The following SIK2 variants were observed in gnomAD, a reference collection of about 807,000 sequenced individuals.
SIK2 encodes serine/threonine-protein kinase SIK2.
SIK2 carries 29 observed loss-of-function variants against 103.2 expected under a neutral mutation model. The ratio of observed to expected loss-of-function variants is 0.28; its 90% CI spans 0.21 to 0.38. The LOEUF is 0.38. Among genes scored for constraint, SIK2 ranks in the 10% least tolerant of loss-of-function variants. SIK2 has a pLI of 1.00. For missense variants in SIK2, 879 were observed against 1,171.0 expected (o/e 0.75, Z 3.64); for synonymous variants, 412 against 446.1 (o/e 0.92, Z 0.96).
chr11:111,632,677 C>T (rs775824267), intron 3 of SIK2, among the ~76,000 whole-genome samples: 1 of 152,126 alleles, frequency 6.6e-6, no homozygotes, highest in Non-Finnish European at 1.5e-5. Flanking sequence ...CATGTACTAA[C>T]TGATTATATG....
At chr11:111,605,151 C>CG (rs1407013566) in intron 1 of SIK2, among the ~76,000 whole-genome samples, 2 of 151,924 alleles carry the variant, frequency 1.3e-5, no homozygotes, top group African/African-American at 4.8e-5. Context: ...TTAGTAGAGA[C>CG]GGGGTTTCAC....
At chr11:111,636,853 G>A (rs2135852861) in intron 3 of SIK2, among the ~76,000 whole-genome samples, 1 of 152,268 alleles carries the variant, frequency 6.6e-6, no homozygotes, top group Non-Finnish European at 1.5e-5. Flanking sequence ...AAAACTTAAA[G>A]CGATTCAATT....
rs1049333269 is a variant in SIK2, at chr11:111,729,525, T to C, written c.*5396T>C. 6.6e-6 allele frequency: 1 copy of C among 152,254 alleles called. No homozygotes were observed. The highest frequency in any genetic ancestry group is 1.5e-5 in the Non-Finnish European group (1 of 68,048). The allele number at this position is 152,254 out of a possible 1,614,324, so 9.4% of individuals were successfully genotyped here. On this transcript the variant is annotated 3_prime_UTR_variant, in exon 15 of 15. Coordinates refer to ENST00000304987, the MANE Select transcript of SIK2 (RefSeq NM_015191.3). ...TTTGTGACTTCTCTGAGATCACAGC[T>C]GGTGATAGAAGGAGCTGGGACACGC...
At chr11:111,719,628 T>C in intron 9 of SIK2, 147 bp from the exon 10 acceptor site, 1 of 810,628 alleles carries the variant, frequency 1.2e-6, no homozygotes. Context: ...ACTTCTAATC[T>C]ATGTGTTGTC....
chr11:111,654,974 A>G (rs1336021693), intron 3 of SIK2, among the ~76,000 whole-genome samples: 1 of 152,262 alleles, frequency 6.6e-6, no homozygotes, highest in East Asian at 1.9e-4. Flanking sequence ...CTGATTTCAG[A>G]ATACATTACA....
chr11:111,661,186 T>G (rs1942462847), intron 3 of SIK2, among the ~76,000 whole-genome samples: 2 of 152,176 alleles, frequency 1.3e-5, no homozygotes, highest in South Asian at 4.1e-4. Flanking sequence ...ATAAGACTAT[T>G]TATGCATCAC....
At position 111,728,923 on chromosome 11, in the gene SIK2, CA is replaced by C. The variant is rs753877747; in HGVS notation, c.*4809del. The C allele has an allele frequency of 0.079, 7,150 of 91,002 alleles. 412 individuals are homozygous for C. Among genetic ancestry groups the C allele is most frequent in the African/African-American group, 0.23 (5,744 of 25,410 alleles). 5.6% of individuals were successfully genotyped at this position (91,002 alleles called of 1,614,324 possible). A position where few individuals can be genotyped will look rare whatever the true frequency, so the allele number is the denominator to read the frequency against. Reference sequence around the variant, plus strand: ...TGGGCGACAGAGCAAGACTCCACCTCAAAAAAAAAAAAAAAGACAAGAGCAG... The same window carrying C: ...TGGGCGACAGAGCAAGACTCCACCTCAAAAAAAAAAAAAAGACAAGAGCAG... On this transcript the variant is annotated 3_prime_UTR_variant, in exon 15 of 15. Coordinates refer to ENST00000304987, the MANE Select transcript of SIK2 (RefSeq NM_015191.3).
At chr11:111,656,464 T>G (rs935669271) in intron 3 of SIK2, among the ~76,000 whole-genome samples, 7 of 152,144 alleles carry the variant, frequency 4.6e-5, no homozygotes, top group African/African-American at 1.7e-4. Flanking sequence ...TTCAAGCTAC[T>G]TTTTTTACCT....
Position 111,726,885 on chromosome 11 carries a change from T to G in SIK2, c.*2756T>G. The G allele has an allele frequency of 7.6e-7, 1 of 1,310,892 alleles. No homozygotes were observed. Among genetic ancestry groups the G allele is most frequent in the Non-Finnish European group, 1.1e-6 (1 of 917,816 alleles). The allele number at this position is 1,310,892 out of a possible 1,614,324, so 81.2% of individuals were successfully genotyped here. A position where few individuals can be genotyped will look rare whatever the true frequency, so the allele number is the denominator to read the frequency against. ...TGAAGAGACTTTGGTGAGATGAACG[T>G]GAGGTAAAAATTTCGTTCGGCAAAA... On this transcript the variant is annotated 3_prime_UTR_variant, in exon 15 of 15. Coordinates refer to ENST00000304987, the MANE Select transcript of SIK2 (RefSeq NM_015191.3).
In SIK2 at chr11:111,720,957, G is replaced by A; in HGVS notation, c.1839G>A (p.Glu613=). 1 of 1,614,214 alleles carries A rather than the reference G, an allele frequency of 6.2e-7. No homozygotes were observed. Among genetic ancestry groups the A allele is most frequent in the Non-Finnish European group, 8.5e-7 (1 of 1,180,038 alleles). The stretch of plus-strand genomic sequence containing the variant: ...TGGCTAGAACCAAAGGAATTCTAGA[G>A]TTGAACAAAGTGCAGTTGTTGTATG... ...QNLARTKGIL[E]LNKVQLLYEQ... Residue 613 remains glutamate, a synonymous_variant, in exon 12 of 15, where the codon GAG becomes GAA. Transcript: ENST00000304987.
rs1943817852 is a variant in SIK2, at chr11:111,722,024, C to T, written c.2055+84C>T. ...CAAAGCAGAAACGTGTTTTGCCTGG[C>T]ATTTATTTAGGGTAGCTGCTTGATT... On this transcript the variant is annotated intron_variant, in intron 13 of 14. Transcript: ENST00000304987. The surrounding 1 kb of genome is among the most constrained non-coding windows in gnomAD (Gnocchi z 4.4). 1.8e-6 allele frequency: 2 copies of T among 1,089,114 alleles called. No individual in the cohort carries two copies. The highest frequency in any genetic ancestry group is 3.1e-5 in the African/African-American group (2 of 63,502). 67.5% of individuals were successfully genotyped at this position (1,089,114 alleles called of 1,614,324 possible). A position where few individuals can be genotyped will look rare whatever the true frequency, so the allele number is the denominator to read the frequency against.
rs779494406 is a variant in SIK2 at position 111,721,959 on chromosome 11, G to C, written c.2055+19G>C. 42 of 1,538,148 alleles carry C rather than the reference G, an allele frequency of 2.7e-5. 1 individual carries two copies. In the Middle Eastern group the frequency reaches 1.0e-3, roughly 38 times the overall value. On this transcript the variant is annotated intron_variant, in intron 13 of 14. Coordinates refer to ENST00000304987, the MANE Select transcript of SIK2 (RefSeq NM_015191.3). ...ACTCCAGGTGGGTCCTTCTCCTTGC[G>C]AGTCCACCTCACTCTGCTCATCCAG... is the stretch of plus-strand genomic sequence containing the variant.
intron 3 of SIK2, among the ~76,000 whole-genome samples, chr11:111,675,907 C>A (rs1047879220): frequency 6.6e-6 from 1 of 152,150 alleles, no homozygotes; most frequent in Non-Finnish European, 1.5e-5. Flanking sequence ...CTCGTCCCAC[C>A]CTCCACCCTC....
At chr11:111,636,219 A>G (rs1479354771) in intron 3 of SIK2, among the ~76,000 whole-genome samples, 1 of 152,186 alleles carries the variant, frequency 6.6e-6, no homozygotes, top group Non-Finnish European at 1.5e-5. Flanking sequence ...GCTTTGGTGA[A>G]TGTCTTTCTG....
Position 111,727,075 on chromosome 11 carries a change from TGTTAGCC to T in SIK2, c.*2947_*2953del. 2.5e-6 allele frequency: 4 copies of T among 1,607,938 alleles called. No individual in the cohort carries two copies. Among genetic ancestry groups the T allele is most frequent in the Non-Finnish European group, 3.4e-6 (4 of 1,174,784 alleles). ...ACTGGTCCCTGTAAGGCAAACAGCA[TGTTAGCC>T]CGACAGGAAGAGGGGGCCCACTTTC... On this transcript the variant is annotated 3_prime_UTR_variant, in exon 15 of 15. Transcript: ENST00000304987.
At position 111,724,392 on chromosome 11, in the gene SIK2, C is replaced by T. The variant is rs1480047186; in HGVS notation, c.*263C>T. The stretch of plus-strand genomic sequence containing the variant: ...CCTTCGGTCGAGTGGAGCAAGCTCT[C>T]GAGGGCAGCACTGACAAATGTGTTC... On this transcript the variant is annotated 3_prime_UTR_variant, in exon 15 of 15. Coordinates refer to ENST00000304987, the MANE Select transcript of SIK2 (RefSeq NM_015191.3). 2 of 501,212 alleles carry T rather than the reference C, an allele frequency of 4.0e-6. No individual in the cohort carries two copies. Among genetic ancestry groups the T allele is most frequent in the East Asian group, 3.5e-5 (1 of 28,210 alleles). 31.0% of individuals were successfully genotyped at this position (501,212 alleles called of 1,614,324 possible). A position where few individuals can be genotyped will look rare whatever the true frequency, so the allele number is the denominator to read the frequency against.
chr11:111,718,889 G>A lies in SIK2; in HGVS notation c.1267-886G>A, dbSNP rs796990393. The A allele has an allele frequency of 1.4e-4, 21 of 152,364 alleles. 1 individual carries two copies. Among genetic ancestry groups the A allele is most frequent in the African/African-American group, 5.1e-4 (21 of 41,576 alleles). 9.4% of individuals were successfully genotyped at this position (152,364 alleles called of 1,614,324 possible). On this transcript the variant is annotated intron_variant, in intron 9 of 14. Transcript: ENST00000304987. ...TGAGGTAAATAATTACCTCCTCACA[G>A]GGGCCTTTACCAGCCAGAACTTGCA...
intron 8 of SIK2, among the ~76,000 whole-genome samples, chr11:111,706,816 C>T (rs191466988): frequency 1.3e-5 from 2 of 151,628 alleles, no homozygotes; most frequent in African/African-American, 2.4e-5. Context: ...AAAAATTAGC[C>T]GAGTGTGGCA....
chr11:111,656,182 T>G (rs527522126), intron 3 of SIK2, among the ~76,000 whole-genome samples: 45 of 152,116 alleles, frequency 3.0e-4, no homozygotes, highest in Admixed American at 5.9e-4. Context: ...TGAGCGATAC[T>G]GTATCCAACA....
Sources: gnomAD v4.1 joint callset for allele counts (sites outside exome capture counted in the v4.1 genomes callset) on GRCh38, gnomAD v4.1.1 for gene constraint, Gnocchi (gnomAD v3.1) non-coding constraint, MANE v1.5 for transcripts, NCBI Gene and HGNC (gene_info 2026-07-23, HGNC 2026-07-21) for gene names.